STK3: variants seen among roughly 807,000 people sequenced by gnomAD.
The protein encoded by STK3 is serine/threonine kinase 3, also known as serine/threonine-protein kinase 3.
In STK3, 41 loss-of-function variants were observed where a neutral mutation model predicts 58.0. The observed-to-expected ratio is 0.71, with a 90% CI of 0.55 to 0.92. STK3 has a LOEUF of 0.92. STK3 is among the 40% of genes least tolerant of loss of function. The pLI is 0.00. For synonymous variants in STK3, 170 were observed against 191.0 expected (o/e 0.89, Z 0.91); for missense variants, 479 against 602.7 (o/e 0.79, Z 2.15).
intron 1 of STK3, among the ~76,000 whole-genome samples, chr8:98,901,927 C>T (rs976074059): frequency 1.3e-5 from 2 of 152,228 alleles, no homozygotes; most frequent in African/African-American, 2.4e-5. Context: ...CTCAGAAGGA[C>T]GGACTTCACA....
At position 98,696,633 on chromosome 8, in the gene STK3, C is replaced by G. The variant is rs200616940; in HGVS notation, c.684+9834G>C. ...AGATAATCATGTGGTTTTTGTCTTT[C>G]GTTCTGTTTACATGCTGGATTACAT... On this transcript the variant is annotated intron_variant, in intron 6 of 10. Transcript: ENST00000419617. Among the ~76,000 whole-genome samples the G allele has an allele frequency of 8.8e-3, 1,337 of 152,000 alleles. 24 individuals carry two copies. The highest frequency in any genetic ancestry group is 0.031 in the African/African-American group (1,275 of 41,444).
chr8:98,474,148 T>C (rs1291937478), intron 10 of STK3, among the ~76,000 whole-genome samples: 2 of 152,194 alleles, frequency 1.3e-5, no homozygotes, highest in Non-Finnish European at 2.9e-5. Context: ...CTTACCAAGA[T>C]ATGTCAAATC....
chr8:98,913,557 C>G (rs1224363846), intron 1 of STK3, among the ~76,000 whole-genome samples: 1 of 152,280 alleles, frequency 6.6e-6, no homozygotes, highest in Non-Finnish European at 1.5e-5. Context: ...TTCATCCAGA[C>G]TCCTTGGGAC....
intron 1 of STK3, among the ~76,000 whole-genome samples, chr8:98,806,164 C>G (rs1833873227): frequency 6.6e-6 from 1 of 152,158 alleles, no homozygotes; most frequent in Admixed American, 6.5e-5. Flanking sequence ...ATACCTACCA[C>G]AGAACCTCAC....
intron 6 of STK3, among the ~76,000 whole-genome samples, chr8:98,654,515 A>G (rs1294075978): frequency 6.6e-6 from 1 of 152,206 alleles, no homozygotes; most frequent in Non-Finnish European, 1.5e-5. Context: ...AATCAAGGGT[A>G]TTCAATTAGG....
chr8:98,807,858 A>C (rs1231112004), intron 1 of STK3, among the ~76,000 whole-genome samples: 2 of 152,348 alleles, frequency 1.3e-5, no homozygotes, highest in East Asian at 3.9e-4. Context: ...GATATGAGGA[A>C]TGTTAAGAAC....
At chr8:98,882,143 C>T (rs1051542837), downstream of STK3, 35 of 152,200 alleles carry the variant, frequency 2.3e-4, no homozygotes, top group African/African-American at 8.2e-4. Flanking sequence ...TTATCCATGA[C>T]TTATTCCTGA....
intron 1 of STK3, among the ~76,000 whole-genome samples, chr8:98,781,075 G>T (rs1832057834): frequency 6.6e-6 from 1 of 152,160 alleles, no homozygotes; most frequent in African/African-American, 2.4e-5. Context: ...TCAACAAAAT[G>T]TAAGAAACTA....
At chr8:98,829,427 G>A (rs1451534298), upstream of STK3, among the ~76,000 whole-genome samples, 1 of 152,184 alleles carries the variant, frequency 6.6e-6, no homozygotes, top group Non-Finnish European at 1.5e-5. Flanking sequence ...AAGAATTGTG[G>A]AAGTAGGAGG....
At chr8:98,427,418 C>T (rs1345802735) in intron 3 of STK3, 1 of 152,126 alleles carries the variant, frequency 6.6e-6, no homozygotes, top group African/African-American at 2.4e-5. Context: ...AGCGCCAGGC[C>T]GGCAGGGAGA....
chr8:98,700,103 G>A (rs895049623), intron 6 of STK3, among the ~76,000 whole-genome samples: 17 of 152,194 alleles, frequency 1.1e-4, no homozygotes, highest in African/African-American at 2.4e-5. Flanking sequence ...CTGCCGCCTT[G>A]CAGTTTGATC....
At chr8:98,707,414 G>GTT in intron 4 of STK3, 103 bp from the exon 5 acceptor site, 6 of 817,120 alleles carry the variant, frequency 7.3e-6, no homozygotes, top group Non-Finnish European at 8.9e-6. Flanking sequence ...GTGTGTGTGT[G>GTT]TTTTTTTTTA....
chr8:98,627,496 G>GAA (rs71572020), intron 6 of STK3, among the ~76,000 whole-genome samples: 33 of 101,008 alleles, frequency 3.3e-4, no homozygotes, highest in Admixed American at 5.7e-4. Context: ...AAAGAAAAAA[G>GAA]AAAAAAAAAA....
At chr8:98,789,730 C>T (rs181310540) in intron 1 of STK3, among the ~76,000 whole-genome samples, 2 of 152,150 alleles carry the variant, frequency 1.3e-5, no homozygotes, top group Non-Finnish European at 2.9e-5. Context: ...CTGAACAGAT[C>T]GACAGCAAGC....
chr8:98,857,165 C>T (rs1021960683), intron 3 of STK3, among the ~76,000 whole-genome samples: 4 of 152,092 alleles, frequency 2.6e-5, no homozygotes, highest in Admixed American at 1.3e-4. Flanking sequence ...TGTGAACGTA[C>T]TAAAGGCCAC....
At chr8:98,864,127 G>A (rs1837040606) in intron 3 of STK3, among the ~76,000 whole-genome samples, 1 of 150,028 alleles carries the variant, frequency 6.7e-6, no homozygotes, top group African/African-American at 2.5e-5. Context: ...TGAATCGGGA[G>A]GCGGAGCTTG....
At position 98,383,916 on chromosome 8, in the gene STK3, C is replaced by A. The variant is rs1470887673; in HGVS notation, n.56+4276G>T. Among the ~76,000 whole-genome samples the A allele has an allele frequency of 1.7e-4, 26 of 152,178 alleles. 1 individual carries two copies. The highest frequency in any genetic ancestry group is 1.7e-3 in the Admixed American group (26 of 15,282). ...GATGGTCATCAAATGCACATATAGA[C>A]CAGGCTAGTGTATTAATGAGATGCT... On this transcript the variant is annotated intron_variant and non_coding_transcript_variant, in intron 1 of 2. Transcript: ENST00000518704.
At chr8:98,768,576 G>A (rs1831092568) in intron 2 of STK3, among the ~76,000 whole-genome samples, 1 of 152,090 alleles carries the variant, frequency 6.6e-6, no homozygotes, top group Non-Finnish European at 1.5e-5. Context: ...ATCTCCCCTT[G>A]AAAGCCATAT....
intron 3 of STK3, among the ~76,000 whole-genome samples, chr8:98,416,734 C>G (rs1180526825): frequency 2.0e-5 from 3 of 152,194 alleles, no homozygotes; most frequent in Non-Finnish European, 4.4e-5. Context: ...TTCCTAGATG[C>G]CTATGTTTAG....
Sources: gnomAD v4.1 joint callset for allele counts (sites outside exome capture counted in the v4.1 genomes callset) on GRCh38, gnomAD v4.1.1 for gene constraint, MANE v1.5 for transcripts, NCBI Gene and HGNC (gene_info 2026-07-23, HGNC 2026-07-21) for gene names.